C16orf78: variants seen among roughly 807,000 people sequenced by gnomAD.
The protein encoded by C16orf78 is chromosome 16 open reading frame 78, also known as uncharacterized protein C16orf78.
C16orf78 carries 19 observed loss-of-function variants against 27.3 expected under a neutral mutation model. That is an observed-to-expected ratio of 0.70 (90% confidence interval 0.49 to 1.02). The LOEUF is 1.02. Ranked by LOEUF, C16orf78 falls within the 50% of genes least tolerant of loss-of-function variation. The pLI, the probability that C16orf78 is intolerant of heterozygous loss-of-function variation, is 0.00. For synonymous variants in C16orf78, 130 were observed against 116.1 expected, an observed-to-expected ratio of 1.12 and a Z score of -0.77; for missense variants, 339 against 337.0, an observed-to-expected ratio of 1.01 and a Z score of -0.05.
intron 4 of C16orf78, among the ~76,000 whole-genome samples, chr16:49,398,064 T>G (rs755493146): frequency 1.1e-4 from 16 of 152,190 alleles, no homozygotes; most frequent in Non-Finnish European, 2.2e-4. Flanking sequence ...AGCACTTGGA[T>G]GAGACCGTAA....
At chr16:49,385,232 A>C (rs1029295812) in intron 3 of C16orf78, among the ~76,000 whole-genome samples, 4 of 152,362 alleles carry the variant, frequency 2.6e-5, no homozygotes, top group Admixed American at 2.0e-4. Flanking sequence ...TAACTATAAT[A>C]ATTTGTTAGT....
chr16:49,396,313 A>T, intron 3 of C16orf78, 110 bp from the exon 4 acceptor site: 1 of 1,254,362 alleles, frequency 8.0e-7, no homozygotes, highest in Non-Finnish European at 1.1e-6. Flanking sequence ...ATCTCAGAAC[A>T]GGTACGGTTT....
chr16:49,397,060 G>A (rs1435582263), intron 4 of C16orf78, among the ~76,000 whole-genome samples: 1 of 152,210 alleles, frequency 6.6e-6, no homozygotes, highest in East Asian at 1.9e-4. Flanking sequence ...GGTGATGGTA[G>A]CCACCATCCT....
chr16:49,383,256 G>A (rs1456778785), intron 3 of C16orf78, among the ~76,000 whole-genome samples: 1 of 152,232 alleles, frequency 6.6e-6, no homozygotes, highest in Non-Finnish European at 1.5e-5. Flanking sequence ...AGTAAGGAGA[G>A]CCTCTCATGT....
intron 3 of C16orf78, among the ~76,000 whole-genome samples, chr16:49,388,527 C>T (rs1252385555): frequency 6.6e-6 from 1 of 152,052 alleles, no homozygotes; most frequent in Non-Finnish European, 1.5e-5. Flanking sequence ...GGTTTTTCTT[C>T]CTAACACAAG....
At chr16:49,377,685 G>A in intron 1 of C16orf78, 46 bp from the exon 2 acceptor site, 1 of 1,582,718 alleles carries the variant, frequency 6.3e-7, no homozygotes, top group South Asian at 1.2e-5. Flanking sequence ...AGGGGATGCT[G>A]TCCCCACAGC....
rs201127622 is a variant in C16orf78 at position 49,399,229 on chromosome 16, A to G, written c.749A>G (p.Asp250Gly). ...VDIHPHMVEEDIDAKKVFTGI... is the reference protein window; with the variant it reads ...VDIHPHMVEEGIDAKKVFTGI... ...ATCCACCCCCACATGGTCGAAGAGG[A>G]CATAGATGCTAAAAAGGTGTTCACC... The change falls in exon 5 of 5, where the codon GAC becomes GGC. Residue 250 changes from aspartate (D) to glycine (G), a missense_variant. Transcript: ENST00000299191. 22 of 1,614,086 alleles carry G rather than the reference A, an allele frequency of 1.4e-5. 1 individual carries two copies. The highest frequency in any genetic ancestry group is 1.8e-5 in the Non-Finnish European group (21 of 1,180,040).
At chr16:49,376,293 T>A (rs1481347976) in intron 1 of C16orf78, among the ~76,000 whole-genome samples, 3 of 152,236 alleles carry the variant, frequency 2.0e-5, no homozygotes, top group Non-Finnish European at 4.4e-5. Context: ...ACCCCTGAGG[T>A]CTGAAGTCTC....
chr16:49,375,541 G>A (rs1036507542), intron 1 of C16orf78, among the ~76,000 whole-genome samples: 3 of 152,138 alleles, frequency 2.0e-5, no homozygotes, highest in Admixed American at 1.3e-4. Flanking sequence ...TCGCCTTCAT[G>A]ACAGTACCAA....
At chr16:49,376,914 C>G (rs2151610227) in intron 1 of C16orf78, among the ~76,000 whole-genome samples, 1 of 152,182 alleles carries the variant, frequency 6.6e-6, no homozygotes, top group Middle Eastern at 3.4e-3. Context: ...CCACCGTCTC[C>G]CTGTAACCAT....
intron 1 of C16orf78, among the ~76,000 whole-genome samples, chr16:49,376,100 G>T (rs1965213561): frequency 1.3e-5 from 2 of 152,166 alleles, no homozygotes; most frequent in Admixed American, 6.5e-5. Context: ...GTGCTGGCAG[G>T]TCTCCGACAG....
chr16:49,390,170 A>C (rs1965395704), intron 3 of C16orf78, among the ~76,000 whole-genome samples: 1 of 151,856 alleles, frequency 6.6e-6, no homozygotes, highest in African/African-American at 2.4e-5. Flanking sequence ...GGCTTCTAAG[A>C]TTTTCTTTTA....
intron 1 of C16orf78, among the ~76,000 whole-genome samples, chr16:49,377,229 TG>T (rs1276535971): frequency 2.0e-5 from 3 of 152,126 alleles, no homozygotes; most frequent in Non-Finnish European, 4.4e-5. Context: ...GCAAGGTCAG[TG>T]GTGACCACCA....
chr16:49,374,177 C>A, intron 1 of C16orf78, 88 bp downstream of exon 1: 1 of 1,504,846 alleles, frequency 6.6e-7, no homozygotes, highest in Non-Finnish European at 9.0e-7. Flanking sequence ...TCTCCTGAAA[C>A]AAAAGGCGGG....
intron 4 of C16orf78, among the ~76,000 whole-genome samples, chr16:49,397,040 T>C (rs577048042): frequency 6.6e-6 from 1 of 152,300 alleles, no homozygotes; most frequent in Non-Finnish European, 1.5e-5. Context: ...CACTGTGGGG[T>C]TGAGTTGCTG....
rs1965185415 is a variant in C16orf78 at position 49,373,961 on chromosome 16, C to T, written c.22C>T (p.Leu8=). Residue 8 remains leucine (L), a synonymous_variant, in exon 1 of 5, where the codon CTG becomes TTG. Coordinates refer to ENST00000299191, the MANE Select transcript of C16orf78 (RefSeq NM_144602.4). The part of the protein sequence containing the change: MSEQQMD[L]KDLMPTKRKY... The stretch of plus-strand genomic sequence containing the variant: ...CACAATGTCAGAGCAACAAATGGAC[C>T]TGAAGGATTTAATGCCCACAAAGAG... The T allele has an allele frequency of 3.7e-6, 6 of 1,614,118 alleles. No homozygotes were observed. In the African/African-American group the frequency reaches 5.3e-5, roughly 14 times the overall value.
In C16orf78 at chr16:49,378,520, T is replaced by C; in HGVS notation, c.321T>C (p.Tyr107=). The change falls in exon 3 of 5, where the codon TAT becomes TAC. Residue 107 remains tyrosine, a synonymous_variant. Transcript: ENST00000299191. ...ACGCCGCCTCCTACCGAAGCCTCTA[T>C]GGAGTGGAGCAAAAGGGGAAACACC... The part of the protein sequence containing the change: ...RKDAASYRSL[Y]GVEQKGKHLS... 4 of 1,611,542 alleles carry C rather than the reference T, an allele frequency of 2.5e-6. No homozygotes were observed. Among genetic ancestry groups the C allele is most frequent in the Non-Finnish European group, 3.4e-6 (4 of 1,178,882 alleles).
At position 49,378,566 on chromosome 16, in the gene C16orf78, T is replaced by C; in HGVS notation, c.367T>C (p.Tyr123His). Residue 123 changes from tyrosine to histidine, a missense_variant, in exon 3 of 5, where the codon TAC becomes CAC. By Grantham distance (83) the Tyr-to-His change is moderately conservative (BLOSUM62 2). Coordinates refer to ENST00000299191, the MANE Select transcript of C16orf78 (RefSeq NM_144602.4). The stretch of plus-strand genomic sequence containing the variant: ...ACACCTCAGCATGGTCCCTGGCAGC[T>C]ACATCAAGGATGGCCCCAAGAAATC... ...GKHLSMVPGS[Y>H]IKDGPKKSDT... 6.2e-7 allele frequency: 1 copy of C among 1,613,868 alleles called. No homozygotes were observed. The highest frequency in any genetic ancestry group is 8.5e-7 in the Non-Finnish European group (1 of 1,179,902).
At chr16:49,396,959 T>C (rs970634428) in intron 4 of C16orf78, among the ~76,000 whole-genome samples, 1 of 152,236 alleles carries the variant, frequency 6.6e-6, no homozygotes, top group Admixed American at 6.5e-5. Flanking sequence ...TATTTCCGTT[T>C]GTTTCAATAT....
Sources: gnomAD v4.1 joint callset for allele counts (sites outside exome capture counted in the v4.1 genomes callset) on GRCh38, gnomAD v4.1.1 for gene constraint, MANE v1.5 for transcripts, NCBI Gene and HGNC (gene_info 2026-07-23, HGNC 2026-07-21) for gene names.